Variants in SUMO2 observed in about 807,000 individuals in gnomAD.
SUMO2 encodes the protein small ubiquitin-related modifier 2.
A neutral mutation model predicts 16.0 loss-of-function variants in SUMO2; 1 was observed. That is an observed-to-expected ratio of 0.06 (90% CI 0.02 to 0.30). The LOEUF (loss-of-function observed/expected upper bound fraction) is 0.30, where lower values mean the gene tolerates loss of function less well. Among genes scored for constraint, SUMO2 ranks in the 10% least tolerant of loss-of-function variants. SUMO2 has a pLI of 1.00. For synonymous variants in SUMO2, 36 were observed against 40.6 expected (o/e 0.89, Z 0.43); for missense variants, 16 against 117.5 (o/e 0.14, Z 3.99).
At chr17:75,177,692 AAG>A (rs2074793245) in intron 2 of SUMO2, among the ~76,000 whole-genome samples, 1 of 151,744 alleles carries the variant, frequency 6.6e-6, no homozygotes, top group Non-Finnish European at 1.5e-5. Flanking sequence ...AAAAAAAAAA[AAG>A]AAAAGAAAAG....
chr17:75,174,533 A>C (rs1296125078), intron 3 of SUMO2, among the ~76,000 whole-genome samples: 1 of 152,204 alleles, frequency 6.6e-6, no homozygotes, highest in Non-Finnish European at 1.5e-5. Context: ...CTGTCCCTAA[A>C]AAAATAATTA....
In SUMO2 at chr17:75,174,652, C is replaced by G. The variant is rs542573584; in HGVS notation, c.225+100G>C. 6 of 1,131,034 alleles carry G rather than the reference C, an allele frequency of 5.3e-6. No homozygotes were observed. The African/African-American group carries it at 7.8e-5, about 15-fold the overall frequency. The allele number at this position is 1,131,034 out of a possible 1,614,324, so 70.1% of individuals were successfully genotyped here. A position where few individuals can be genotyped will look rare whatever the true frequency, so the allele number is the denominator to read the frequency against. ...ATACTTCCCAAAGCTCTGAACTCTACAAGAACTTATACTCCAGTGTCTAAA... is the reference window on the plus strand; with the variant it reads ...ATACTTCCCAAAGCTCTGAACTCTAGAAGAACTTATACTCCAGTGTCTAAA... On this transcript the variant is annotated intron_variant, in intron 3 of 3. Transcript: ENST00000420826.
chr17:75,181,225 G>A (rs1157754398), intron 1 of SUMO2, 37 bp from the exon 2 acceptor site: 2 of 1,606,826 alleles, frequency 1.2e-6, no homozygotes, highest in East Asian at 2.2e-5. Context: ...TTTGGGAAAT[G>A]TGATCAACGA....
intron 3 of SUMO2, 120 bp downstream of exon 3, chr17:75,174,632 T>C (rs1282440915): frequency 4.0e-5 from 33 of 824,638 alleles, no homozygotes; most frequent in Admixed American, 1.4e-4. Context: ...TGGTCATACT[T>C]CCCAAAGCTC....
chr17:75,182,607 GGA>G, intron 1 of SUMO2: 1 of 339,562 alleles, frequency 2.9e-6, no homozygotes. Flanking sequence ...GCCGGGGGCG[GGA>G]GAGAGCGGCG....
intron 3 of SUMO2, among the ~76,000 whole-genome samples, chr17:75,173,951 G>A (rs1430358415): frequency 1.3e-5 from 2 of 152,208 alleles, no homozygotes; most frequent in African/African-American, 2.4e-5. Flanking sequence ...ATCACGTTTT[G>A]TAGTAAGGAT....
intron 1 of SUMO2, 25 bp from the exon 2 acceptor site, chr17:75,181,213 A>G (rs775915972): frequency 6.2e-7 from 1 of 1,609,756 alleles, no homozygotes; most frequent in Non-Finnish European, 8.5e-7. Context: ...ATAAAAGTAT[A>G]ATTTGGGAAA....
intron 3 of SUMO2, among the ~76,000 whole-genome samples, chr17:75,173,384 T>G (rs1400371610): frequency 1.3e-5 from 2 of 152,050 alleles, no homozygotes; most frequent in Non-Finnish European, 2.9e-5. Context: ...GGTCTTAAAC[T>G]CCTGGCCTCA....
At chr17:75,181,303 TA>T in intron 1 of SUMO2, 115 bp from the exon 2 acceptor site, 1 of 1,059,176 alleles carries the variant, frequency 9.4e-7, no homozygotes, top group Non-Finnish European at 1.4e-6. Context: ...TACTGTATGC[TA>T]AAACGGCATA....
At chr17:75,176,785 C>T (rs957652020) in intron 2 of SUMO2, among the ~76,000 whole-genome samples, 1 of 152,126 alleles carries the variant, frequency 6.6e-6, no homozygotes, top group African/African-American at 2.4e-5. Context: ...ATATAGGAAC[C>T]TAGACTGTTT....
rs553862967 is a variant in SUMO2 at position 75,176,477 on chromosome 17, G to T, written c.154-1654C>A. ...CTGAAAATACAAAAATTAGCCGAGT[G>T]TGGTGGCATCCGCCTGTAATCCCAG... On this transcript the variant is annotated intron_variant, in intron 2 of 3. Coordinates refer to ENST00000420826, the MANE Select transcript of SUMO2 (RefSeq NM_006937.4). Among the ~76,000 whole-genome samples the T allele has an allele frequency of 1.1e-4, 16 of 152,074 alleles. No homozygotes were observed. In the South Asian group the frequency reaches 3.1e-3, roughly 30 times the overall value.
At chr17:75,174,345 C>T (rs549007310) in intron 3 of SUMO2, among the ~76,000 whole-genome samples, 4 of 152,200 alleles carry the variant, frequency 2.6e-5, no homozygotes, top group South Asian at 4.1e-4. Flanking sequence ...GACCCAAGAT[C>T]GTGACACTGT....
In SUMO2 at chr17:75,176,548, G is replaced by A. The variant is rs545015767; in HGVS notation, c.154-1725C>T. Reference sequence around the variant, plus strand: ...GGAGGATCGCTTGAACCTGGGAGGCGGAGTTTGCAGTGAGCCAAGATCGTG... The same window carrying A: ...GGAGGATCGCTTGAACCTGGGAGGCAGAGTTTGCAGTGAGCCAAGATCGTG... On this transcript the variant is annotated intron_variant, in intron 2 of 3. Coordinates refer to ENST00000420826, the MANE Select transcript of SUMO2 (RefSeq NM_006937.4). Among the ~76,000 whole-genome samples the A allele has an allele frequency of 9.3e-4, 141 of 152,010 alleles. 2 individuals carry two copies. Among genetic ancestry groups the A allele is most frequent in the African/African-American group, 3.3e-3 (137 of 41,478 alleles).
chr17:75,168,318 G>A lies in SUMO2; in HGVS notation c.*21C>T, dbSNP rs1236646572. On this transcript the variant is annotated 3_prime_UTR_variant, in exon 4 of 4. Transcript: ENST00000420826. ...GGTCTTTAAAGAACAGAGTTCTGGA[G>A]TAAAGAAGCAGGTTCCCTTTTCAGT... The A allele has an allele frequency of 6.4e-7, 1 of 1,560,230 alleles. No homozygotes were observed. Among genetic ancestry groups the A allele is most frequent in the South Asian group, 1.2e-5 (1 of 83,740 alleles).
intron 3 of SUMO2, among the ~76,000 whole-genome samples, chr17:75,172,896 C>T (rs963494563): frequency 2.0e-5 from 3 of 152,176 alleles, no homozygotes; most frequent in Non-Finnish European, 4.4e-5. Flanking sequence ...GCTAGGATGA[C>T]AGGTGTGAAC....
chr17:75,172,738 G>A (rs779374279), intron 3 of SUMO2, among the ~76,000 whole-genome samples: 5 of 152,016 alleles, frequency 3.3e-5, no homozygotes, highest in Non-Finnish European at 5.9e-5. Flanking sequence ...GCCTCCCAAA[G>A]TGCTGGGATC....
At chr17:75,177,803 G>C (rs1215003389) in intron 2 of SUMO2, among the ~76,000 whole-genome samples, 2 of 149,716 alleles carry the variant, frequency 1.3e-5, no homozygotes, top group Non-Finnish European at 3.0e-5. Context: ...GACCAGCCTG[G>C]CCAACGTGGT....
At chr17:75,172,329 T>TC (rs2074746680) in intron 3 of SUMO2, among the ~76,000 whole-genome samples, 3 of 149,902 alleles carry the variant, frequency 2.0e-5, no homozygotes, top group African/African-American at 7.3e-5. Context: ...CCCAGACTTT[T>TC]TTTTTTTTTT....
intron 2 of SUMO2, among the ~76,000 whole-genome samples, 162 bp downstream of exon 2, chr17:75,180,895 C>G (rs59220364): frequency 2.0e-5 from 3 of 152,022 alleles, no homozygotes; most frequent in Non-Finnish European, 4.4e-5. Flanking sequence ...AGGGTTTTCA[C>G]GAGCTATCAA....
Sources: gnomAD v4.1 joint callset for allele counts (sites outside exome capture counted in the v4.1 genomes callset) on GRCh38, gnomAD v4.1.1 for gene constraint, MANE v1.5 for transcripts, NCBI Gene and HGNC (gene_info 2026-07-23, HGNC 2026-07-21) for gene names.